The following GLIS1 variants were observed in gnomAD, a reference collection of about 807,000 sequenced individuals.
The protein encoded by GLIS1 is GLIS family zinc finger 1, also known as zinc finger protein GLIS1.
Under a neutral mutation model 63.8 loss-of-function variants are expected in GLIS1, and 24 were observed. The observed-to-expected ratio is 0.38, with a 90% CI of 0.27 to 0.53. The LOEUF is 0.53. GLIS1 is among the 20% of genes least tolerant of loss of function. The pLI is 0.85. For synonymous variants in GLIS1, 450 were observed against 482.5 expected, an observed-to-expected ratio of 0.93 and a Z score of 0.88; for missense variants, 1,036 against 1,074.1, an observed-to-expected ratio of 0.96 and a Z score of 0.50.
rs558220923 is a variant in GLIS1 at position 53,649,201 on chromosome 1, C to T, written c.260-48923G>A. 9.9e-5 allele frequency among the ~76,000 whole-genome samples: 15 copies of T among 152,160 alleles called. 1 individual carries two copies. The highest frequency in any genetic ancestry group is 2.2e-4 in the African/African-American group (9 of 41,508). On this transcript the variant is annotated intron_variant, in intron 2 of 10. Transcript: ENST00000628545. ...ATCACTTACTACCATAAAATATATA[C>T]GAATTATAAAAAGTTTAAATGTATC...
chr1:53,553,615 C>T (rs543382381), intron 4 of GLIS1, among the ~76,000 whole-genome samples: 4 of 152,184 alleles, frequency 2.6e-5, no homozygotes, highest in Non-Finnish European at 5.9e-5. Flanking sequence ...GGAAAAAACG[C>T]CTGACCTTGT....
At chr1:53,662,870 A>C (rs947642398) in intron 2 of GLIS1, among the ~76,000 whole-genome samples, 1 of 152,186 alleles carries the variant, frequency 6.6e-6, no homozygotes, top group African/African-American at 2.4e-5. Flanking sequence ...TACAGAGACC[A>C]TCTCCCCGGC....
chr1:53,542,578 A>G (rs1204249006), intron 4 of GLIS1, among the ~76,000 whole-genome samples: 1 of 152,216 alleles, frequency 6.6e-6, no homozygotes, highest in Non-Finnish European at 1.5e-5. Flanking sequence ...GGGGGCTGGG[A>G]GAGACCTTGT....
intron 4 of GLIS1, among the ~76,000 whole-genome samples, chr1:53,540,300 G>A (rs1322960981): frequency 6.6e-6 from 1 of 152,174 alleles, no homozygotes; most frequent in Non-Finnish European, 1.5e-5. Context: ...CCCTGGGGGT[G>A]AGGCTGTGAG....
intron 2 of GLIS1, among the ~76,000 whole-genome samples, chr1:53,602,284 C>T (rs912582127): frequency 5.3e-5 from 8 of 152,114 alleles, no homozygotes; most frequent in African/African-American, 1.9e-4. Context: ...TCTGCTTGGC[C>T]GTCTTTGCCT....
At chr1:53,507,022 CG>C (rs1644241664) in intron 10 of GLIS1, among the ~76,000 whole-genome samples, 1 of 152,038 alleles carries the variant, frequency 6.6e-6, no homozygotes, top group Non-Finnish European at 1.5e-5. Context: ...GAGACAGGCA[CG>C]GGGTTGACTC....
At chr1:53,557,081 G>A (rs1350020826) in intron 4 of GLIS1, among the ~76,000 whole-genome samples, 1 of 151,984 alleles carries the variant, frequency 6.6e-6, no homozygotes, top group Non-Finnish European at 1.5e-5. Context: ...GAGCATATGT[G>A]TGTGCAGGTA....
intron 4 of GLIS1, among the ~76,000 whole-genome samples, chr1:53,540,332 A>G (rs925156887): frequency 2.6e-5 from 4 of 152,126 alleles, no homozygotes; most frequent in Non-Finnish European, 5.9e-5. Context: ...GAGGAAGAAG[A>G]GGGCCACAGT....
intron 4 of GLIS1, among the ~76,000 whole-genome samples, chr1:53,558,649 AG>A (rs969626251): frequency 3.9e-5 from 6 of 152,232 alleles, no homozygotes; most frequent in African/African-American, 1.4e-4. Flanking sequence ...AAGGTCAAGC[AG>A]GGTGTCCCAT....
chr1:53,516,551 G>T (rs986481618), intron 7 of GLIS1, among the ~76,000 whole-genome samples: 1 of 151,904 alleles, frequency 6.6e-6, no homozygotes, highest in Admixed American at 6.5e-5. Context: ...AAAAAAACAA[G>T]CCTGTAATCC....
chr1:53,738,731 T>C (rs1646938084), intron 1 of GLIS1, among the ~76,000 whole-genome samples: 1 of 152,056 alleles, frequency 6.6e-6, no homozygotes, highest in Non-Finnish European at 1.5e-5. Context: ...CACATTCCTA[T>C]GCGCAGCGGA....
chr1:53,738,633 C>T (rs1471874279), intron 1 of GLIS1, among the ~76,000 whole-genome samples: 1 of 152,156 alleles, frequency 6.6e-6, no homozygotes, highest in Non-Finnish European at 1.5e-5. Context: ...CAGAGACTCA[C>T]CCGCGACCAC....
chr1:53,703,072 T>G (rs986749073), intron 2 of GLIS1, among the ~76,000 whole-genome samples: 12 of 152,238 alleles, frequency 7.9e-5, no homozygotes, highest in African/African-American at 2.7e-4. Context: ...TTCAGCTCCT[T>G]GAGCCTCTGC....
At chr1:53,721,777 G>C (rs780213788) in intron 2 of GLIS1, among the ~76,000 whole-genome samples, 1 of 152,012 alleles carries the variant, frequency 6.6e-6, no homozygotes, top group Non-Finnish European at 1.5e-5. Flanking sequence ...CGTGGTGAAC[G>C]ACAAAAAGAA....
Position 53,520,674 on chromosome 1 carries a change from G to A in GLIS1, c.1686C>T (p.Asp562=), listed in dbSNP as rs142747272. 31 of 1,610,280 alleles carry A rather than the reference G, an allele frequency of 1.9e-5. 1 individual carries two copies. Among genetic ancestry groups the A allele is most frequent in the South Asian group, 1.7e-4 (15 of 90,406 alleles). ...LHTSTQLAAS[D]GKGGCGLGQE... ...GGCCCAGGCCACAGCCACCCTTGCC[G>A]TCGCTGGCAGCCAGCTGTGTGGACG... Residue 562 remains aspartate (D), a synonymous_variant, in exon 7 of 11, where the codon GAC becomes GAT. Transcript: ENST00000628545.
At chr1:53,716,655 AAAAAG>A (rs149949764) in intron 2 of GLIS1, among the ~76,000 whole-genome samples, 294 of 152,262 alleles carry the variant, frequency 1.9e-3, no homozygotes, top group Non-Finnish European at 3.8e-3. Context: ...AACTAAAATA[AAAAAG>A]AAGATGGGAA....
At chr1:53,555,523 C>T (rs1644810425) in intron 4 of GLIS1, among the ~76,000 whole-genome samples, 1 of 152,108 alleles carries the variant, frequency 6.6e-6, no homozygotes, top group Non-Finnish European at 1.5e-5. Flanking sequence ...GAGTGAGACT[C>T]TGTCTCAAAA....
chr1:53,587,563 C>A (rs150083001), intron 4 of GLIS1, among the ~76,000 whole-genome samples: 11 of 152,114 alleles, frequency 7.2e-5, no homozygotes, highest in Non-Finnish European at 1.0e-4. Flanking sequence ...TGTTTCCAGG[C>A]GACTATTCTA....
At position 53,560,440 on chromosome 1, in the gene GLIS1, G is replaced by T. The variant is rs74086367; in HGVS notation, c.1321-30488C>A. On this transcript the variant is annotated intron_variant, in intron 4 of 10. Coordinates refer to ENST00000628545, the MANE Select transcript of GLIS1 (RefSeq NM_001367484.1). The surrounding 1 kb of genome is among the most constrained non-coding windows in gnomAD (Gnocchi z 4.4). ...AAGGGCAGGGGTTCCACTGGCAGACGGACAGTTCCGGTCGGGAGATATCTG... is the reference window on the plus strand; with the variant it reads ...AAGGGCAGGGGTTCCACTGGCAGACTGACAGTTCCGGTCGGGAGATATCTG... Among the ~76,000 whole-genome samples the T allele has an allele frequency of 5.9e-3, 893 of 152,306 alleles. 10 individuals carry two copies. The highest frequency in any genetic ancestry group is 0.02 in the African/African-American group (840 of 41,568).
Sources: allele counts gnomAD v4.1 joint callset (sites outside exome capture counted in the v4.1 genomes callset), GRCh38; gene constraint gnomAD v4.1.1; non-coding constraint Gnocchi (gnomAD v3.1); transcripts MANE v1.5; gene names NCBI Gene and HGNC (gene_info 2026-07-23, HGNC 2026-07-21).